The following SLC25A48 variants were observed in gnomAD, a reference collection of about 807,000 sequenced individuals.
SLC25A48 encodes CTC-321K16.1.
Under a neutral mutation model 32.2 loss-of-function variants are expected in SLC25A48, and 29 were observed. The ratio of observed to expected loss-of-function variants is 0.90; its 90% CI spans 0.67 to 1.23. The LOEUF is 1.23. Ranked by LOEUF, SLC25A48 falls within the 50% of genes most tolerant of loss-of-function variation. The pLI is 0.00. For synonymous variants in SLC25A48, 164 were observed against 172.3 expected (o/e 0.95, Z 0.38); for missense variants, 399 against 422.7 (o/e 0.94, Z 0.49).
At chr5:135,788,151 C>G (rs907314036) in intron 3 of SLC25A48, among the ~76,000 whole-genome samples, 2 of 150,586 alleles carry the variant, frequency 1.3e-5, no homozygotes, top group Non-Finnish European at 3.0e-5. Context: ...GCATATGGTC[C>G]GTAATGTCCG....
At chr5:135,740,463 G>T (rs1236214287) in intron 3 of SLC25A48, among the ~76,000 whole-genome samples, 3 of 152,096 alleles carry the variant, frequency 2.0e-5, no homozygotes, top group Admixed American at 6.5e-5. Flanking sequence ...GGGGTGCATG[G>T]CAACATATTC....
chr5:135,769,265 G>GGGT (rs71593856), intron 3 of SLC25A48, among the ~76,000 whole-genome samples: 43,037 of 144,926 alleles, frequency 0.3, 6,737 homozygotes, highest in East Asian at 0.44. Context: ...ATATTGGGGG[G>GGGT]GGAGAATGAT....
At chr5:135,727,048 G>T (rs1188585424) in intron 3 of SLC25A48, among the ~76,000 whole-genome samples, 2 of 152,080 alleles carry the variant, frequency 1.3e-5, no homozygotes, top group Non-Finnish European at 2.9e-5. Flanking sequence ...TTTCCCCAAT[G>T]GCTAAAGACG....
intron 3 of SLC25A48, among the ~76,000 whole-genome samples, chr5:135,782,159 G>A: frequency 8.6e-6 from 1 of 116,044 alleles, no homozygotes; most frequent in East Asian, 2.2e-4. Flanking sequence ...TATCAAGGAG[G>A]GGAGACGATA....
rs992240934 is a variant in SLC25A48, at chr5:135,746,818, G to C, written c.-520-65705G>C. 4.6e-5 allele frequency among the ~76,000 whole-genome samples: 7 copies of C among 152,126 alleles called. No individual in the cohort carries two copies. In the East Asian group the frequency reaches 9.6e-4, roughly 21 times the overall value. On this transcript the variant is annotated intron_variant, in intron 3 of 10. Coordinates refer to the SLC25A48 transcript ENST00000646290. ...AGATTCACTCATTGCCTGGAGTTAC[G>C]TCTCTTTGGTCTCCTTTAATTCAGA...
chr5:135,592,207 A>C (rs1751543182), intron 1 of SLC25A48, among the ~76,000 whole-genome samples: 2 of 152,200 alleles, frequency 1.3e-5, no homozygotes, highest in Admixed American at 1.3e-4. Context: ...GATTTGGTGA[A>C]GTGGTGGCAG....
chr5:135,802,082 G>C (rs1020109632), intron 3 of SLC25A48, among the ~76,000 whole-genome samples: 4 of 151,728 alleles, frequency 2.6e-5, no homozygotes, highest in African/African-American at 9.7e-5. Flanking sequence ...ACACTCCCCT[G>C]TTCATAATAT....
At chr5:135,857,369 C>T (rs1760414407) in intron 4 of SLC25A48, among the ~76,000 whole-genome samples, 1 of 152,194 alleles carries the variant, frequency 6.6e-6, no homozygotes, top group Non-Finnish European at 1.5e-5. Flanking sequence ...GTGCACAGCT[C>T]CTGGCCAGTG....
At chr5:135,804,299 A>G (rs1261821603) in intron 3 of SLC25A48, among the ~76,000 whole-genome samples, 1 of 151,792 alleles carries the variant, frequency 6.6e-6, no homozygotes, top group Non-Finnish European at 1.5e-5. Flanking sequence ...ATAATGTCAC[A>G]GGGTTTCCAC....
At chr5:135,632,597 G>T (rs1232815004) in intron 2 of SLC25A48, among the ~76,000 whole-genome samples, 2 of 152,150 alleles carry the variant, frequency 1.3e-5, no homozygotes, top group African/African-American at 4.8e-5. Context: ...CACCAGGAGG[G>T]CTCTTCTCTA....
At chr5:135,817,565 T>G (rs1218091112) in intron 4 of SLC25A48, among the ~76,000 whole-genome samples, 6 of 152,130 alleles carry the variant, frequency 3.9e-5, no homozygotes, top group Admixed American at 3.9e-4. Flanking sequence ...ATATAAAAGC[T>G]GAGGCTATAG....
At chr5:135,769,730 C>T (rs2126607312) in intron 3 of SLC25A48, among the ~76,000 whole-genome samples, 1 of 151,600 alleles carries the variant, frequency 6.6e-6, no homozygotes, top group African/African-American at 2.4e-5. Context: ...GATGATGTTA[C>T]TCCCAATATC....
In SLC25A48 at chr5:135,607,278, A is replaced by G. The variant is rs117657665; in HGVS notation, c.-848-21959A>G. ...TAGTGGACATCAAAGGTTGAATTTA[A>G]TGATGACCTACTTATCAAGTTCCAA... is the stretch of plus-strand genomic sequence containing the variant. On this transcript the variant is annotated intron_variant, in intron 1 of 10. Transcript: ENST00000646290. Among the ~76,000 whole-genome samples the G allele has an allele frequency of 1.3e-3, 196 of 152,374 alleles. 1 individual carries two copies. In the East Asian group the frequency reaches 0.023, roughly 18 times the overall value.
rs1761251283 is a variant in SLC25A48 at position 135,866,956 on chromosome 5, T to G, written c.422-4505T>G. Among the ~76,000 whole-genome samples, 4 of 152,252 alleles carry G rather than the reference T, an allele frequency of 2.6e-5. No individual in the cohort carries two copies. In the South Asian group the frequency reaches 8.3e-4, roughly 32 times the overall value. On this transcript the variant is annotated intron_variant, in intron 4 of 7. Transcript: ENST00000681962. ...AATCTCTATCTATCCTAATAAAAGG[T>G]AGTATGCCCTTGATCTAGAGAGGCA...
intron 3 of SLC25A48, among the ~76,000 whole-genome samples, chr5:135,809,384 TTCATTCAA>T (rs1757543602): frequency 6.6e-6 from 1 of 152,202 alleles, no homozygotes; most frequent in Admixed American, 6.5e-5. Flanking sequence ...CATTCATTCA[TTCATTCAA>T]TAGTGTGCTG....
At chr5:135,763,651 C>T (rs541998873) in intron 3 of SLC25A48, among the ~76,000 whole-genome samples, 25 of 152,208 alleles carry the variant, frequency 1.6e-4, no homozygotes, top group Non-Finnish European at 3.2e-4. Context: ...CACTGGCCCA[C>T]CTTATGGCAG....
At chr5:135,703,616 C>T (rs1483858202) in intron 3 of SLC25A48, among the ~76,000 whole-genome samples, 1 of 152,200 alleles carries the variant, frequency 6.6e-6, no homozygotes, top group Non-Finnish European at 1.5e-5. Context: ...AGGAAACCTT[C>T]CTTGACTCTC....
chr5:135,594,746 C>G (rs959504324), intron 1 of SLC25A48, among the ~76,000 whole-genome samples: 1 of 152,102 alleles, frequency 6.6e-6, no homozygotes, highest in African/African-American at 2.4e-5. Context: ...AATACAAAAC[C>G]TGGCCACACC....
intron 7 of SLC25A48, among the ~76,000 whole-genome samples, chr5:135,882,163 G>A (rs1351621718): frequency 6.6e-6 from 1 of 152,248 alleles, no homozygotes; most frequent in Non-Finnish European, 1.5e-5. Context: ...CCCTTAGGAG[G>A]GAGGACTGCT....
Sources: allele counts gnomAD v4.1 joint callset (sites outside exome capture counted in the v4.1 genomes callset), GRCh38; gene constraint gnomAD v4.1.1; transcripts MANE v1.5; gene names NCBI Gene and HGNC (gene_info 2026-07-23, HGNC 2026-07-21).